The following ANKRD44 variants were observed in gnomAD, a reference collection of about 807,000 sequenced individuals.
The protein encoded by ANKRD44 is ankyrin repeat domain 44, also known as serine/threonine-protein phosphatase 6 regulatory ankyrin repeat subunit B.
In ANKRD44, 35 loss-of-function variants were observed where a neutral mutation model predicts 116.0. The ratio of observed to expected loss-of-function variants is 0.30; its 90% CI spans 0.23 to 0.40. ANKRD44 has a LOEUF of 0.40. Ranked by LOEUF, ANKRD44 falls within the 10% of genes least tolerant of loss-of-function variation. The probability of loss-of-function intolerance (pLI) is 1.00; values close to 1 mark genes in which losing one functional copy is unlikely to be tolerated. For synonymous variants in ANKRD44, 435 were observed against 461.8 expected (o/e 0.94, Z 0.74); for missense variants, 1,014 against 1,242.6 (o/e 0.82, Z 2.77).
chr2:197,108,171 C>G (rs900613616), intron 9 of ANKRD44, among the ~76,000 whole-genome samples: 3 of 152,128 alleles, frequency 2.0e-5, no homozygotes, highest in Admixed American at 6.5e-5. Context: ...GTTCAGATCC[C>G]TATTCCTCAA....
chr2:197,121,670 C>A, intron 7 of ANKRD44, 126 bp from the exon 8 acceptor site: 1 of 818,914 alleles, frequency 1.2e-6, no homozygotes, highest in Admixed American at 2.2e-5. Context: ...TTGTTCAGAG[C>A]TTACTCTTGC....
intron 16 of ANKRD44, among the ~76,000 whole-genome samples, chr2:197,056,267 C>T (rs912270814): frequency 6.6e-6 from 1 of 151,774 alleles, no homozygotes; most frequent in African/African-American, 2.4e-5. Context: ...TTAAAATCAG[C>T]TTTTCAATTT....
intron 16 of ANKRD44, among the ~76,000 whole-genome samples, chr2:197,059,401 G>C (rs1329951637): frequency 6.6e-6 from 1 of 152,064 alleles, no homozygotes; most frequent in East Asian, 1.9e-4. Flanking sequence ...CTCACTTTAA[G>C]CATCAATTAA....
chr2:197,079,540 G>A (rs1487181473), intron 15 of ANKRD44, among the ~76,000 whole-genome samples: 28 of 152,198 alleles, frequency 1.8e-4, no homozygotes, highest in Admixed American at 1.8e-3. Flanking sequence ...CCAAAACTCT[G>A]GTTCACAAGT....
intron 1 of ANKRD44, among the ~76,000 whole-genome samples, chr2:197,238,745 C>G (rs1292308918): frequency 6.6e-6 from 1 of 151,824 alleles, no homozygotes; most frequent in Admixed American, 6.6e-5. Flanking sequence ...CACTCTGTCA[C>G]CCAGGCTGAA....
chr2:196,982,486 C>T (rs1040637157), downstream of ANKRD44, among the ~76,000 whole-genome samples: 5 of 152,182 alleles, frequency 3.3e-5, no homozygotes, highest in East Asian at 7.8e-4. Context: ...TCCTTGACTC[C>T]ATTTTCATTG....
At chr2:197,265,232 C>CT (rs112311831) in intron 1 of ANKRD44, among the ~76,000 whole-genome samples, 317 of 59,486 alleles carry the variant, frequency 5.3e-3, no homozygotes, top group Middle Eastern at 0.011. Context: ...CACTTTTTTT[C>CT]TTTTTTTTTT....
At chr2:197,021,472 G>T (rs887765566) in intron 17 of ANKRD44, among the ~76,000 whole-genome samples, 2 of 152,164 alleles carry the variant, frequency 1.3e-5, no homozygotes, top group African/African-American at 4.8e-5. Flanking sequence ...GCTGTTTCCT[G>T]ACTTTTTAAT....
chr2:197,158,886 C>T (rs989442978), intron 2 of ANKRD44, among the ~76,000 whole-genome samples: 5 of 152,118 alleles, frequency 3.3e-5, no homozygotes, highest in East Asian at 3.9e-4. Flanking sequence ...GCCTTTATGA[C>T]GCCTGAAAGA....
intron 18 of ANKRD44, 135 bp from the exon 19 acceptor site, chr2:197,009,166 A>C (rs989997450): frequency 1.6e-6 from 1 of 618,158 alleles, no homozygotes; most frequent in African/African-American, 1.8e-5. Flanking sequence ...ATGTCATCTC[A>C]TTGCAATCTC....
intron 2 of ANKRD44, among the ~76,000 whole-genome samples, chr2:197,158,685 A>T (rs1302454204): frequency 6.6e-6 from 1 of 152,146 alleles, no homozygotes; most frequent in Non-Finnish European, 1.5e-5. Context: ...AAAATATTTA[A>T]ACTTAACCTG....
chr2:197,082,426 G>A lies in ANKRD44; in HGVS notation c.1458-701C>T, dbSNP rs7565167. Among the ~76,000 whole-genome samples the A allele has an allele frequency of 7.8e-3, 1,194 of 152,218 alleles. 13 individuals are homozygous for A. Among genetic ancestry groups the A allele is most frequent in the African/African-American group, 0.025 (1,018 of 41,524 alleles). ...TAAGCCATTACTGAATTGTGAAATCGACTTAATGGGTTGTAGTCAGCAAGA... is the reference window on the plus strand; with the variant it reads ...TAAGCCATTACTGAATTGTGAAATCAACTTAATGGGTTGTAGTCAGCAAGA... On this transcript the variant is annotated intron_variant, in intron 14 of 27. Coordinates refer to ENST00000282272, the MANE Select transcript of ANKRD44 (RefSeq NM_001195144.2).
At chr2:197,232,996 A>G (rs1013030876) in intron 1 of ANKRD44, among the ~76,000 whole-genome samples, 2 of 152,136 alleles carry the variant, frequency 1.3e-5, no homozygotes, top group Admixed American at 6.5e-5. Context: ...ACACCTTTCA[A>G]TGATTTGAGG....
At chr2:196,999,711 A>G (rs1266299177) in intron 23 of ANKRD44, among the ~76,000 whole-genome samples, 3 of 151,994 alleles carry the variant, frequency 2.0e-5, no homozygotes. Flanking sequence ...CTCCTGCCTC[A>G]GCCTCCTGAG....
At chr2:197,186,994 C>G (rs1310376514) in intron 2 of ANKRD44, 29 bp downstream of exon 2, 1 of 1,603,764 alleles carries the variant, frequency 6.2e-7, no homozygotes, top group African/African-American at 1.3e-5. Flanking sequence ...CTAACAGGGC[C>G]TGAGTAGCAA....
intron 2 of ANKRD44, among the ~76,000 whole-genome samples, chr2:197,156,687 A>G (rs1375224047): frequency 6.6e-6 from 1 of 152,242 alleles, no homozygotes; most frequent in East Asian, 1.9e-4. Context: ...AATACCAAAA[A>G]CTAGAAGTAA....
intron 7 of ANKRD44, among the ~76,000 whole-genome samples, chr2:197,121,994 G>A (rs374745141): frequency 6.6e-6 from 1 of 152,040 alleles, no homozygotes; most frequent in Admixed American, 6.6e-5. Flanking sequence ...CATGGAAGGC[G>A]GGTCAGAATC....
At chr2:197,280,010 T>C (rs566417877) in intron 1 of ANKRD44, among the ~76,000 whole-genome samples, 3 of 152,360 alleles carry the variant, frequency 2.0e-5, no homozygotes, top group Non-Finnish European at 2.9e-5. Context: ...CTAGTATTAA[T>C]GGTTTATGAG....
At chr2:197,008,039 C>T in intron 19 of ANKRD44, 116 bp from the exon 20 acceptor site, 1 of 725,244 alleles carries the variant, frequency 1.4e-6, no homozygotes, top group Non-Finnish European at 2.3e-6. Context: ...TTGACAATTT[C>T]TTAATATTTT....
Sources: gnomAD v4.1 joint callset for allele counts (sites outside exome capture counted in the v4.1 genomes callset) on GRCh38, gnomAD v4.1.1 for gene constraint, MANE v1.5 for transcripts, NCBI Gene and HGNC (gene_info 2026-07-23, HGNC 2026-07-21) for gene names.